The following PDXDC1 variants were observed in gnomAD, a reference collection of about 807,000 sequenced individuals.
The protein encoded by PDXDC1 is pyridoxal-dependent decarboxylase domain-containing protein 1.
In PDXDC1, 42 loss-of-function variants were observed where a neutral mutation model predicts 100.1. The observed-to-expected ratio is 0.42, with a 90% CI of 0.33 to 0.54. The LOEUF (loss-of-function observed/expected upper bound fraction) is 0.54, where lower values mean the gene tolerates loss of function less well. PDXDC1 is among the 20% of genes least tolerant of loss of function. The pLI, the probability that PDXDC1 is intolerant of heterozygous loss-of-function variation, is 0.10. For missense variants in PDXDC1, 636 were observed against 979.2 expected, an observed-to-expected ratio of 0.65 and a Z score of 4.68; for synonymous variants, 260 against 371.7, an observed-to-expected ratio of 0.70 and a Z score of 3.46.
intron 12 of PDXDC1, among the ~76,000 whole-genome samples, chr16:15,020,686 AAAAG>A (rs1391265845): frequency 3.3e-5 from 5 of 150,550 alleles, no homozygotes; most frequent in African/African-American, 1.2e-4. Context: ...GTCTTTTAAA[AAAAG>A]AAAGAAAAAT....
chr16:15,103,183 T>G (rs1228651187), intron 16 of PDXDC1: 1 of 583,014 alleles, frequency 1.7e-6, no homozygotes, highest in South Asian at 2.0e-5. Context: ...CCCATGGTCC[T>G]GGCAAGAGAG....
At chr16:15,089,778 C>T (rs1327295077) in intron 16 of PDXDC1, among the ~76,000 whole-genome samples, 5 of 90,480 alleles carry the variant, frequency 5.5e-5, no homozygotes, top group African/African-American at 1.8e-4. Context: ...CCAGCCTGGG[C>T]GACAGAGCAA....
intron 16 of PDXDC1, among the ~76,000 whole-genome samples, chr16:15,095,594 G>C (rs936683956): frequency 3.9e-5 from 6 of 152,168 alleles, no homozygotes; most frequent in Non-Finnish European, 8.8e-5. Context: ...GCTCACGCCT[G>C]TTATCCCAAC....
At chr16:15,129,171 T>TA (rs2047921738) in intron 16 of PDXDC1, among the ~76,000 whole-genome samples, 1 of 151,062 alleles carries the variant, frequency 6.6e-6, no homozygotes, top group African/African-American at 2.4e-5. Context: ...AGCACGGAAA[T>TA]AAAAAATGGG....
At chr16:15,083,460 T>C in intron 16 of PDXDC1, 7 of 1,603,666 alleles carry the variant, frequency 4.4e-6, no homozygotes, top group Non-Finnish European at 5.9e-6. Flanking sequence ...TCATCTAAAA[T>C]GAAATCGTAC....
chr16:15,075,508 C>G (rs1597926578), intron 16 of PDXDC1, among the ~76,000 whole-genome samples: 1 of 150,880 alleles, frequency 6.6e-6, no homozygotes, highest in African/African-American at 2.4e-5. Flanking sequence ...GAGGTCGAGG[C>G]TGGAGTGGGC....
chr16:15,144,596 G>A, the PDXDC1 span, among the ~76,000 whole-genome samples: 2 of 152,270 alleles, frequency 1.3e-5, no homozygotes, highest in East Asian at 3.9e-4. Flanking sequence ...GAGACTAGCC[G>A]GGGAGCCCCA....
chr16:14,983,399 C>T (rs1334855454), intron 1 of PDXDC1, among the ~76,000 whole-genome samples: 17 of 149,128 alleles, frequency 1.1e-4, no homozygotes, highest in East Asian at 2.2e-4. Flanking sequence ...GGTGAAACCC[C>T]GTCTCTACTA....
chr16:15,065,200 AAT>A, intron 16 of PDXDC1: 1 of 1,575,556 alleles, frequency 6.3e-7, no homozygotes, highest in Non-Finnish European at 8.6e-7. Context: ...CTCCAGCGTC[AAT>A]GTTTAAAAGT....
At chr16:15,088,234 G>A (rs900164012) in intron 16 of PDXDC1, among the ~76,000 whole-genome samples, 8 of 152,184 alleles carry the variant, frequency 5.3e-5, no homozygotes, top group African/African-American at 1.7e-4. Flanking sequence ...GCACTTTTGG[G>A]AGGCCAAGGC....
intron 1 of PDXDC1, among the ~76,000 whole-genome samples, chr16:14,978,873 G>A (rs1967304681): frequency 6.6e-6 from 1 of 152,292 alleles, no homozygotes; most frequent in South Asian, 2.1e-4. Flanking sequence ...GTGATATTTT[G>A]GGTCAGATAA....
At chr16:15,007,366 G>A (rs1207399726) in intron 6 of PDXDC1, among the ~76,000 whole-genome samples, 2 of 152,156 alleles carry the variant, frequency 1.3e-5, no homozygotes, top group Admixed American at 1.3e-4. Flanking sequence ...AGTAGAGATG[G>A]GGTTTCACCG....
intron 14 of PDXDC1, among the ~76,000 whole-genome samples, chr16:15,027,337 C>G (rs1194372762): frequency 6.6e-6 from 1 of 152,288 alleles, no homozygotes; most frequent in Admixed American, 6.5e-5. Flanking sequence ...GCTCCGACCC[C>G]ATGGCAGCAT....
intron 16 of PDXDC1, among the ~76,000 whole-genome samples, chr16:15,065,557 T>C (rs2044933884): frequency 6.6e-6 from 1 of 152,058 alleles, no homozygotes; most frequent in Admixed American, 6.6e-5. Flanking sequence ...GGTCTTCTAT[T>C]TGCAAGTTTG....
chr16:15,059,384 A>C (rs1004865641), intron 16 of PDXDC1, among the ~76,000 whole-genome samples: 2 of 152,232 alleles, frequency 1.3e-5, no homozygotes, highest in East Asian at 1.9e-4. Context: ...TAACCAAAAA[A>C]AACTTCCCAT....
At chr16:14,977,699 T>A (rs1359855351) in intron 1 of PDXDC1, among the ~76,000 whole-genome samples, 7 of 152,282 alleles carry the variant, frequency 4.6e-5, no homozygotes, top group Non-Finnish European at 7.3e-5. Flanking sequence ...GATGACTTTA[T>A]GTTCTGAAAA....
intron 16 of PDXDC1, chr16:15,086,588 C>T: frequency 7.5e-7 from 1 of 1,338,568 alleles, no homozygotes; most frequent in Non-Finnish European, 1.0e-6. Context: ...GAACTCAAAA[C>T]TGGGTATTAA....
intron 4 of PDXDC1, among the ~76,000 whole-genome samples, chr16:15,003,216 C>CTTTTT (rs1217823601): frequency 7.4e-6 from 1 of 134,346 alleles, no homozygotes; most frequent in East Asian, 2.3e-4. Flanking sequence ...AGATTTAATT[C>CTTTTT]TTTTTTTTTT....
rs766286047 is a variant in PDXDC1, at chr16:15,036,106, A to G, written c.2198A>G (p.Glu733Gly). 3.7e-6 allele frequency: 6 copies of G among 1,614,136 alleles called. No homozygotes were observed. The Admixed American group carries it at 8.3e-5, about 22-fold the overall frequency. ...VSHIEDLEKV[E>G]RLSSGPEQIT... ...CACATTGAAGACTTAGAAAAGGTGGAGCGCCTATCCAGTGGGCCGGAGCAG... is the reference window on the plus strand; with the variant it reads ...CACATTGAAGACTTAGAAAAGGTGGGGCGCCTATCCAGTGGGCCGGAGCAG... Residue 733 changes from glutamate to glycine, a missense_variant, in exon 23 of 23, where the codon GAG becomes GGG. Glu to Gly is a moderately conservative substitution (Grantham distance 98). Coordinates refer to ENST00000396410, the MANE Select transcript of PDXDC1 (RefSeq NM_015027.4).
Sources: allele counts gnomAD v4.1 joint callset (sites outside exome capture counted in the v4.1 genomes callset), GRCh38; gene constraint gnomAD v4.1.1; transcripts MANE v1.5; gene names NCBI Gene and HGNC (gene_info 2026-07-23, HGNC 2026-07-21).